The following RGS7 variants were observed in gnomAD, a reference collection of about 807,000 sequenced individuals.
The protein encoded by RGS7 is regulator of G-protein signaling 7.
Under a neutral mutation model 81.1 loss-of-function variants are expected in RGS7, and 27 were observed. That is an observed-to-expected ratio of 0.33 (90% CI 0.25 to 0.46). The LOEUF is 0.46. RGS7 is among the 20% of genes least tolerant of loss of function. The pLI is 1.00. For synonymous variants in RGS7, 208 were observed against 207.7 expected (o/e 1.00, Z -0.01); for missense variants, 396 against 607.4 (o/e 0.65, Z 3.66).
intron 3 of RGS7, among the ~76,000 whole-genome samples, chr1:240,984,170 T>C (rs564287541): frequency 3.9e-5 from 6 of 152,306 alleles, no homozygotes; most frequent in African/African-American, 1.4e-4. Flanking sequence ...GGCTAAAGAA[T>C]TAAATTTTCT....
At chr1:240,921,048 G>T (rs1673445772) in intron 6 of RGS7, among the ~76,000 whole-genome samples, 1 of 152,000 alleles carries the variant, frequency 6.6e-6, no homozygotes, top group Non-Finnish European at 1.5e-5. Context: ...GTGATGCCAG[G>T]TTCTATTTGG....
chr1:241,315,107 CTTTT>C lies in RGS7; in HGVS notation c.78+40588_78+40591del, dbSNP rs5782184. On this transcript the variant is annotated intron_variant, in intron 2 of 18. Transcript: ENST00000440928. ...GAAGCTTTTTTTTTTTCTTCTTCTT[CTTTT>C]TTTTTTTTTTTTTTTTTTTTTTTGA... 6.5e-3 allele frequency among the ~76,000 whole-genome samples: 373 copies of C among 57,374 alleles called. 1 individual carries two copies. The highest frequency in any genetic ancestry group is 8.2e-3 in the Non-Finnish European group (278 of 33,992). 37.6% of individuals were successfully genotyped at this position (57,374 alleles called of 152,430 possible).
At chr1:240,885,385 C>A (rs1351609165) in intron 6 of RGS7, among the ~76,000 whole-genome samples, 1 of 152,172 alleles carries the variant, frequency 6.6e-6, no homozygotes, top group East Asian at 1.9e-4. Context: ...TTGGACCCAG[C>A]AATCCCATTA....
intron 3 of RGS7, among the ~76,000 whole-genome samples, chr1:241,072,655 G>A (rs1433326042): frequency 6.6e-6 from 1 of 152,172 alleles, no homozygotes; most frequent in Non-Finnish European, 1.5e-5. Flanking sequence ...ATGAGACCCT[G>A]AAGAAGTATA....
chr1:240,960,502 A>G (rs1055000939), intron 4 of RGS7, among the ~76,000 whole-genome samples: 14 of 150,058 alleles, frequency 9.3e-5, no homozygotes, highest in Non-Finnish European at 1.8e-4. Flanking sequence ...TCAGCCTTCC[A>G]AAGTGCTAGG....
chr1:241,118,401 C>T (rs1402798301), intron 2 of RGS7, among the ~76,000 whole-genome samples: 3 of 152,176 alleles, frequency 2.0e-5, no homozygotes, highest in African/African-American at 7.2e-5. Flanking sequence ...TTTTTCGTCT[C>T]AGGACAACTT....
chr1:241,208,184 G>C (rs2880116), intron 2 of RGS7, among the ~76,000 whole-genome samples: 1 of 151,968 alleles, frequency 6.6e-6, no homozygotes, highest in Non-Finnish European at 1.5e-5. Flanking sequence ...GATTACAGGC[G>C]TGAGCCACCG....
chr1:241,173,714 G>A (rs2070898659), intron 2 of RGS7, among the ~76,000 whole-genome samples: 1 of 152,176 alleles, frequency 6.6e-6, no homozygotes. Flanking sequence ...CTAGGAATTT[G>A]AGGCTGCAAT....
intron 6 of RGS7, among the ~76,000 whole-genome samples, chr1:240,896,667 T>C (rs1166731951): frequency 6.6e-6 from 1 of 152,198 alleles, no homozygotes; most frequent in East Asian, 1.9e-4. Context: ...ACCAGTACCA[T>C]GCGGTTTGGT....
chr1:241,165,036 C>T (rs918383663), intron 2 of RGS7, among the ~76,000 whole-genome samples: 4 of 152,276 alleles, frequency 2.6e-5, no homozygotes, highest in Non-Finnish European at 4.4e-5. Flanking sequence ...TCCCTATGTG[C>T]GTTCTCATCA....
intron 6 of RGS7, among the ~76,000 whole-genome samples, chr1:240,900,425 T>C (rs1265552000): frequency 6.6e-6 from 1 of 152,198 alleles, no homozygotes; most frequent in African/African-American, 2.4e-5. Context: ...CTTTGTGGTT[T>C]TATCTACCTT....
At chr1:241,202,011 GACACACACAC>G (rs60399497) in intron 2 of RGS7, among the ~76,000 whole-genome samples, 23 of 145,062 alleles carry the variant, frequency 1.6e-4, no homozygotes, top group South Asian at 6.7e-4. Context: ...GACACACACA[GACACACACAC>G]ACACACACAC....
intron 2 of RGS7, among the ~76,000 whole-genome samples, chr1:241,189,703 A>G (rs904436761): frequency 1.3e-5 from 2 of 152,344 alleles, no homozygotes; most frequent in African/African-American, 2.4e-5. Flanking sequence ...TAAAGTTTGT[A>G]CAAGGTGTGA....
At chr1:241,190,400 G>A (rs2072547434) in intron 2 of RGS7, among the ~76,000 whole-genome samples, 1 of 151,920 alleles carries the variant, frequency 6.6e-6, no homozygotes, top group African/African-American at 2.4e-5. Context: ...AAATCTGTAT[G>A]TCAGTTTGTG....
chr1:240,793,611 A>ATATATATATATTTTTTTTTTTTTTT, intron 18 of RGS7, among the ~76,000 whole-genome samples: 5 of 78,872 alleles, frequency 6.3e-5, no homozygotes, highest in African/African-American at 3.9e-4. Context: ...ATATATATAT[A>ATATATATATATTTTTTTTTTTTTTT]TTTTTTTTTT....
intron 2 of RGS7, among the ~76,000 whole-genome samples, chr1:241,311,402 A>G (rs973813730): frequency 1.3e-5 from 2 of 152,220 alleles, no homozygotes; most frequent in African/African-American, 4.8e-5. Context: ...TACATACTAC[A>G]ATAGTTTTGT....
In RGS7 at chr1:241,182,721, T is replaced by G. The variant is rs76882212; in HGVS notation, c.79-83959A>C. ...TGGAGTGCAGTGATGTGATCTCGGC[T>G]CAGTGCAACCTCCGCCTTGCGGGTT... On this transcript the variant is annotated intron_variant, in intron 2 of 18. Transcript: ENST00000440928. 3.5e-3 allele frequency among the ~76,000 whole-genome samples: 519 copies of G among 149,672 alleles called. 3 individuals carry two copies. The highest frequency in any genetic ancestry group is 0.012 in the African/African-American group (492 of 40,642).
At chr1:241,256,003 T>C (rs1433354701) in intron 2 of RGS7, among the ~76,000 whole-genome samples, 1 of 151,906 alleles carries the variant, frequency 6.6e-6, no homozygotes, top group Non-Finnish European at 1.5e-5. Context: ...AATGACAAAC[T>C]AAAAAGAAGA....
intron 2 of RGS7, among the ~76,000 whole-genome samples, chr1:241,238,824 G>GA (rs2076116050): frequency 6.6e-6 from 1 of 152,160 alleles, no homozygotes. Flanking sequence ...ATAATGTCTA[G>GA]AAGAATCAAA....
Sources: gnomAD v4.1 joint callset for allele counts (sites outside exome capture counted in the v4.1 genomes callset) on GRCh38, gnomAD v4.1.1 for gene constraint, MANE v1.5 for transcripts, NCBI Gene and HGNC (gene_info 2026-07-23, HGNC 2026-07-21) for gene names.